PLA2G4C: variants seen among roughly 807,000 people sequenced by gnomAD.
The protein encoded by PLA2G4C is cytosolic phospholipase A2 gamma.
In PLA2G4C, 64 loss-of-function variants were observed where a neutral mutation model predicts 73.8. That is an observed-to-expected ratio of 0.87 (90% CI 0.71 to 1.07). The LOEUF (loss-of-function observed/expected upper bound fraction) is 1.07, where lower values mean the gene tolerates loss of function less well. Among genes scored for constraint, PLA2G4C ranks in the 50% least tolerant of loss-of-function variants. The probability of loss-of-function intolerance (pLI) is 0.00; values close to 1 mark genes in which losing one functional copy is unlikely to be tolerated. For synonymous variants in PLA2G4C, 254 were observed against 252.1 expected, an observed-to-expected ratio of 1.01 and a Z score of -0.07; for missense variants, 622 against 665.4, an observed-to-expected ratio of 0.93 and a Z score of 0.72.
chr19:48,081,025 C>T (rs1217151023), intron 10 of PLA2G4C, among the ~76,000 whole-genome samples: 2 of 145,186 alleles, frequency 1.4e-5, no homozygotes, highest in Admixed American at 6.9e-5. Context: ...ATTAGCTGGG[C>T]GCAGTGGTGG....
chr19:48,066,734 G>A (rs1007615357), intron 13 of PLA2G4C, among the ~76,000 whole-genome samples: 1 of 152,078 alleles, frequency 6.6e-6, no homozygotes, highest in South Asian at 2.1e-4. Context: ...GGAGGCTGAG[G>A]TGGGAGGATC....
At chr19:48,067,578 T>C (rs1375004621) in intron 13 of PLA2G4C, among the ~76,000 whole-genome samples, 3 of 152,156 alleles carry the variant, frequency 2.0e-5, no homozygotes, top group African/African-American at 7.2e-5. Context: ...TCACGATGAC[T>C]GGGACTCGCA....
chr19:48,093,692 A>G (rs1195986446), intron 7 of PLA2G4C, among the ~76,000 whole-genome samples: 1 of 152,118 alleles, frequency 6.6e-6, no homozygotes, highest in Non-Finnish European at 1.5e-5. Context: ...CTAGAGTAAG[A>G]CAAACTTGGT....
rs144332920 is a variant in PLA2G4C, at chr19:48,095,580, T to C, written c.593A>G (p.His198Arg). The change falls in exon 7 of 17, where the codon CAC (histidine) becomes CGC (arginine). Residue 198 changes from histidine to arginine, a missense_variant. Transcript: ENST00000599921. Reference protein sequence around the residue: ...APETWFEFTPHHAGFSALGAF... With the variant: ...APETWFEFTPRHAGFSALGAF... ...CCCCAGTGCAGAGAAGCCAGCGTGG[T>C]GAGGGGTGAACTCGAACCAGGTCTC... 24 of 1,613,966 alleles carry C rather than the reference T, an allele frequency of 1.5e-5. No homozygotes were observed. Among genetic ancestry groups the C allele is most frequent in the Non-Finnish European group, 1.4e-5 (17 of 1,180,016 alleles).
chr19:48,099,584 G>T, intron 5 of PLA2G4C, 87 bp downstream of exon 5: 2 of 893,598 alleles, frequency 2.2e-6, no homozygotes, highest in East Asian at 2.5e-5. Context: ...CTTAAAAGGT[G>T]GTGCTGGTCA....
chr19:48,085,125 T>G lies in PLA2G4C; in HGVS notation c.791-13A>C, dbSNP rs575108771. 6.3e-7 allele frequency: 1 copy of G among 1,598,450 alleles called. No homozygotes were observed. Among genetic ancestry groups the G allele is most frequent in the Non-Finnish European group, 8.6e-7 (1 of 1,165,872 alleles). On this transcript the variant is annotated splice_polypyrimidine_tract_variant and intron_variant, in intron 9 of 16. Transcript: ENST00000599921. ...CTTCTCCATAAACCTGCCAAGAAAATAGCAATAAAATTCAAACATTCTCCA... is the reference window on the plus strand; with the variant it reads ...CTTCTCCATAAACCTGCCAAGAAAAGAGCAATAAAATTCAAACATTCTCCA...
intron 10 of PLA2G4C, among the ~76,000 whole-genome samples, chr19:48,084,040 T>TTGTGTGTGTGTGTGTGTGTGTGTG (rs71181645): frequency 7.2e-6 from 1 of 139,130 alleles, no homozygotes; most frequent in Non-Finnish European, 1.5e-5. Context: ...AATGCCAATT[T>TTGTGTGTGTGTGTGTGTGTGTGTG]TGTGTGTGTG....
chr19:48,059,958 A>T (rs1437978561), intron 14 of PLA2G4C, among the ~76,000 whole-genome samples: 1 of 151,664 alleles, frequency 6.6e-6, no homozygotes, highest in East Asian at 1.9e-4. Context: ...TTTAGTAGAG[A>T]CGGGATTTCA....
rs1186522116 is a variant in PLA2G4C, at chr19:48,048,313, G to T, written c.*30C>A. On this transcript the variant is annotated 3_prime_UTR_variant, in exon 17 of 17. Transcript: ENST00000599921. ...CATCAGGGCCCTAGTAGACCAACAG[G>T]CCCACAGTGCCCTGGAAGCTGAGGC... The T allele has an allele frequency of 3.2e-6, 5 of 1,579,588 alleles. No individual in the cohort carries two copies. Among genetic ancestry groups the T allele is most frequent in the Non-Finnish European group, 4.3e-6 (5 of 1,159,510 alleles).
At chr19:48,105,574 GGTGA>G (rs2122143912) in intron 2 of PLA2G4C, 130 bp from the exon 3 acceptor site, 1 of 659,952 alleles carries the variant, frequency 1.5e-6, no homozygotes, top group East Asian at 2.6e-5. Flanking sequence ...TTCCTTTTGG[GGTGA>G]GGAAAATATT....
intron 10 of PLA2G4C, 83 bp from the exon 11 acceptor site, chr19:48,077,907 C>CT: frequency 8.7e-7 from 1 of 1,143,482 alleles, no homozygotes; most frequent in Non-Finnish European, 1.3e-6. Context: ...AGCGACGTCT[C>CT]TTTAATAGAA....
chr19:48,086,446 C>A (rs1487219877), intron 9 of PLA2G4C, among the ~76,000 whole-genome samples: 5 of 152,084 alleles, frequency 3.3e-5, no homozygotes, highest in Non-Finnish European at 7.4e-5. Flanking sequence ...CCCCTGATAC[C>A]CACAGGAGCT....
Position 48,105,687 on chromosome 19 carries a change from C to T in PLA2G4C, c.9-243G>A, listed in dbSNP as rs990665120. Among the ~76,000 whole-genome samples the T allele has an allele frequency of 5.9e-5, 9 of 151,872 alleles. No individual in the cohort carries two copies. In the South Asian group the frequency reaches 1.2e-3, roughly 21 times the overall value. On this transcript the variant is annotated intron_variant, in intron 2 of 16. Coordinates refer to ENST00000599921, the MANE Select transcript of PLA2G4C (RefSeq NM_003706.3). ...AAATGGTTAATTTTGGGGCCAGACG[C>T]GGTGGCTCACACCTGTAATCCCAGC...
chr19:48,098,595 T>C (rs574403497), intron 5 of PLA2G4C, among the ~76,000 whole-genome samples: 7 of 151,342 alleles, frequency 4.6e-5, no homozygotes, highest in African/African-American at 1.5e-4. Context: ...AGTGCTTGGA[T>C]AGGCTAGGTG....
At chr19:48,098,765 A>G (rs2031746447) in intron 5 of PLA2G4C, among the ~76,000 whole-genome samples, 1 of 128,684 alleles carries the variant, frequency 7.8e-6, no homozygotes, top group South Asian at 2.8e-4. Context: ...TGTCAGGCCC[A>G]GTGGTGCGTG....
At chr19:48,094,818 A>G (rs533621323) in intron 7 of PLA2G4C, among the ~76,000 whole-genome samples, 1 of 149,166 alleles carries the variant, frequency 6.7e-6, no homozygotes, top group African/African-American at 2.6e-5. Flanking sequence ...TACCCCATTT[A>G]AAAAAAATTG....
chr19:48,080,975 C>T (rs1238011439), intron 10 of PLA2G4C, among the ~76,000 whole-genome samples: 1 of 129,708 alleles, frequency 7.7e-6, no homozygotes, highest in Non-Finnish European at 1.6e-5. Flanking sequence ...TGGCTAACAC[C>T]GGTCTCTACT....
intron 10 of PLA2G4C, among the ~76,000 whole-genome samples, chr19:48,082,510 T>C (rs1166978108): frequency 7.0e-6 from 1 of 143,478 alleles, no homozygotes; most frequent in Non-Finnish European, 1.5e-5. Flanking sequence ...TTTTTTTTTT[T>C]TTTTTTGAGA....
chr19:48,095,668 G>C, intron 6 of PLA2G4C, 64 bp from the exon 7 acceptor site: 1 of 1,508,462 alleles, frequency 6.6e-7, no homozygotes, highest in East Asian at 2.3e-5. Flanking sequence ...CAGGTATGCA[G>C]GAAAAAGAAA....
Sources: allele counts gnomAD v4.1 joint callset (sites outside exome capture counted in the v4.1 genomes callset), GRCh38; gene constraint gnomAD v4.1.1; transcripts MANE v1.5; gene names NCBI Gene and HGNC (gene_info 2026-07-23, HGNC 2026-07-21).